The following GRID2 variants were observed in gnomAD, a reference collection of about 807,000 sequenced individuals.
The protein encoded by GRID2 is glutamate receptor ionotropic, delta-2.
In GRID2, 33 loss-of-function variants were observed where a neutral mutation model predicts 114.8. The observed-to-expected ratio is 0.29, with a 90% CI of 0.22 to 0.38. The LOEUF is 0.38. GRID2 is among the 10% of genes least tolerant of loss of function. The probability of loss-of-function intolerance (pLI) is 1.00; values close to 1 mark genes in which losing one functional copy is unlikely to be tolerated. For missense variants in GRID2, 1,184 were observed against 1,257.7 expected (o/e 0.94, Z 0.89); for synonymous variants, 505 against 449.9 (o/e 1.12, Z -1.55).
chr4:93,056,783 G>A (rs1031064166), intron 2 of GRID2, among the ~76,000 whole-genome samples: 1 of 151,824 alleles, frequency 6.6e-6, no homozygotes, highest in Non-Finnish European at 1.5e-5. Context: ...AGAATTTCTT[G>A]CCCTCAAGTT....
At chr4:92,770,322 G>A (rs1041896922) in intron 2 of GRID2, among the ~76,000 whole-genome samples, 4 of 152,082 alleles carry the variant, frequency 2.6e-5, no homozygotes, top group African/African-American at 9.7e-5. Context: ...TTTTGTCAAA[G>A]CCATTCAACA....
At chr4:92,490,406 T>C (rs1284705109) in intron 1 of GRID2, among the ~76,000 whole-genome samples, 2 of 152,184 alleles carry the variant, frequency 1.3e-5, no homozygotes, top group Non-Finnish European at 2.9e-5. Flanking sequence ...AGCCCTTATA[T>C]AGCATCCTGC....
chr4:92,865,954 T>A (rs958400640), intron 2 of GRID2, among the ~76,000 whole-genome samples: 1 of 152,144 alleles, frequency 6.6e-6, no homozygotes, highest in Non-Finnish European at 1.5e-5. Context: ...TAAATTAAAA[T>A]GAAAAATTAA....
At chr4:93,210,977 A>G (rs2149474875) in intron 5 of GRID2, among the ~76,000 whole-genome samples, 1 of 152,246 alleles carries the variant, frequency 6.6e-6, no homozygotes, top group East Asian at 1.9e-4. Context: ...ATTCATGTCA[A>G]TCAACCTTAC....
chr4:92,817,578 G>T (rs1486049115), intron 2 of GRID2, among the ~76,000 whole-genome samples: 1 of 151,768 alleles, frequency 6.6e-6, no homozygotes, highest in African/African-American at 2.4e-5. Flanking sequence ...TTGTTTTTAT[G>T]CTTCCTTATT....
At chr4:93,721,816 T>C (rs1373147907) in intron 14 of GRID2, among the ~76,000 whole-genome samples, 1 of 152,144 alleles carries the variant, frequency 6.6e-6, no homozygotes, top group East Asian at 1.9e-4. Context: ...TATTTAATCT[T>C]CATAATAACA....
intron 1 of GRID2, among the ~76,000 whole-genome samples, chr4:92,533,513 T>C (rs1725458914): frequency 6.6e-6 from 1 of 151,892 alleles, no homozygotes; most frequent in African/African-American, 2.4e-5. Context: ...ACATTAAAAA[T>C]AAAATGTGTT....
chr4:92,648,066 C>G (rs2149259315), intron 2 of GRID2, among the ~76,000 whole-genome samples: 1 of 149,600 alleles, frequency 6.7e-6, no homozygotes, highest in Non-Finnish European at 1.5e-5. Flanking sequence ...ATTTTTTATC[C>G]TGAAATTTTT....
chr4:93,042,297 C>CTATATA (rs760571539), intron 2 of GRID2, among the ~76,000 whole-genome samples: 3 of 99,442 alleles, frequency 3.0e-5, no homozygotes, highest in East Asian at 5.7e-4. Context: ...CTCTCTCTCT[C>CTATATA]TCTATATATA....
At chr4:93,606,170 G>C (rs1740215636) in intron 13 of GRID2, among the ~76,000 whole-genome samples, 2 of 152,144 alleles carry the variant, frequency 1.3e-5, no homozygotes. Context: ...GGGAGGCTGA[G>C]GCTGGAGAAT....
At chr4:93,785,684 T>C (rs1043394814) in intron 1 of GRID2, among the ~76,000 whole-genome samples, 13 of 152,188 alleles carry the variant, frequency 8.5e-5, no homozygotes, top group South Asian at 4.1e-4. Context: ...TTTAAAGCGG[T>C]GACCTGATCA....
At chr4:93,045,899 G>A (rs2149274623) in intron 2 of GRID2, among the ~76,000 whole-genome samples, 1 of 152,076 alleles carries the variant, frequency 6.6e-6, no homozygotes, top group Non-Finnish European at 1.5e-5. Context: ...GTATTTATGG[G>A]GGCTGTATAA....
intron 2 of GRID2, among the ~76,000 whole-genome samples, chr4:92,960,557 T>C (rs1752733029): frequency 6.6e-6 from 1 of 152,038 alleles, no homozygotes; most frequent in Admixed American, 6.6e-5. Context: ...GTCGGCTCTG[T>C]CTGAAATTTG....
At chr4:93,023,292 A>G (rs2149248653) in intron 2 of GRID2, among the ~76,000 whole-genome samples, 1 of 152,050 alleles carries the variant, frequency 6.6e-6, no homozygotes, top group South Asian at 2.1e-4. Flanking sequence ...CTAGATGTTA[A>G]TAATTATTCC....
chr4:93,397,271 G>A (rs1014978708), intron 9 of GRID2, among the ~76,000 whole-genome samples: 5 of 151,860 alleles, frequency 3.3e-5, no homozygotes, highest in Non-Finnish European at 5.9e-5. Flanking sequence ...GTAAATAATT[G>A]TAAGTATTTC....
At chr4:92,941,595 T>C (rs761643099) in intron 2 of GRID2, among the ~76,000 whole-genome samples, 16 of 152,196 alleles carry the variant, frequency 1.1e-4, no homozygotes, top group Non-Finnish European at 1.9e-4. Context: ...CTTAATTATT[T>C]CTTGTCTTCT....
chr4:92,382,832 G>A (rs773441554), intron 1 of GRID2, among the ~76,000 whole-genome samples: 3 of 151,854 alleles, frequency 2.0e-5, no homozygotes, highest in Admixed American at 6.6e-5. Context: ...GACACTGTAC[G>A]AGATAGATCT....
intron 2 of GRID2, among the ~76,000 whole-genome samples, chr4:93,029,405 C>A (rs2149255476): frequency 2.0e-5 from 3 of 151,964 alleles, no homozygotes; most frequent in Admixed American, 2.0e-4. Flanking sequence ...AATGCATTTC[C>A]AAATGTGAGC....
intron 1 of GRID2, among the ~76,000 whole-genome samples, chr4:92,366,886 G>A (rs1024513397): frequency 2.0e-5 from 3 of 152,006 alleles, no homozygotes; most frequent in Admixed American, 6.6e-5. Context: ...TAAGACAGCA[G>A]CCTGTGTGCT....
Sources: allele counts gnomAD v4.1 joint callset (sites outside exome capture counted in the v4.1 genomes callset), GRCh38; gene constraint gnomAD v4.1.1; transcripts MANE v1.5; gene names NCBI Gene and HGNC (gene_info 2026-07-23, HGNC 2026-07-21).